Variants in NLGN4Y observed in about 807,000 individuals in gnomAD.
The protein encoded by NLGN4Y is neuroligin 4 Y-linked, also known as neuroligin-4, Y-linked.
Under a neutral mutation model 8.4 loss-of-function variants are expected in NLGN4Y, and 4 were observed. The observed-to-expected ratio is 0.48, with a 90% CI of 0.23 to 1.09. The LOEUF (loss-of-function observed/expected upper bound fraction) is 1.09, where lower values mean the gene tolerates loss of function less well. NLGN4Y is among the 50% of genes least tolerant of loss of function. NLGN4Y has a pLI of 0.19. For missense variants in NLGN4Y, 90 were observed against 192.3 expected (o/e 0.47, Z 3.15); for synonymous variants, 35 against 75.6 (o/e 0.46, Z 2.78).
At position 14,619,205 on chromosome Y, in the gene NLGN4Y, C is replaced by T. The variant is rs761096958; in HGVS notation, c.-111-2804C>T. On this transcript the variant is annotated intron_variant, in intron 1 of 6. Transcript: ENST00000684976. ...GAATTTAAGGCATGGGCTGGAATTCCTCATGGAACTGACATTATAAACCTG... is the reference window on the plus strand; with the variant it reads ...GAATTTAAGGCATGGGCTGGAATTCTTCATGGAACTGACATTATAAACCTG... Among the ~76,000 whole-genome samples the T allele has an allele frequency of 6.3e-4, 21 of 33,560 alleles. No individual in the cohort carries two copies. The South Asian group carries it at 0.014, about 23-fold the overall frequency. 90.0% of individuals were successfully genotyped at this position (33,560 alleles called of 37,273 possible).
chrY:14,585,095 G>A (rs949925855), intron 1 of NLGN4Y, among the ~76,000 whole-genome samples: 1 of 33,772 alleles, frequency 3.0e-5, no homozygotes, highest in Non-Finnish European at 7.3e-5. Context: ...ATATTTTGGG[G>A]TATTTGTCCT....
intron 6 of NLGN4Y, among the ~76,000 whole-genome samples, chrY:14,833,777 C>T: frequency 8.9e-5 from 3 of 33,636 alleles, no homozygotes; most frequent in African/African-American, 1.2e-4. Context: ...GAGATGAACC[C>T]GGTACCTCAG....
intron 4 of NLGN4Y, among the ~76,000 whole-genome samples, chrY:14,810,614 A>G: frequency 6.0e-5 from 2 of 33,114 alleles, no homozygotes; most frequent in African/African-American, 2.3e-4. Context: ...TGAAACTCAT[A>G]TATCAATTAT....
At chrY:14,765,245 T>C (rs756829012) in intron 4 of NLGN4Y, among the ~76,000 whole-genome samples, 20 of 33,986 alleles carry the variant, frequency 5.9e-4, no homozygotes, top group African/African-American at 2.3e-3. Context: ...GAACCAAGTA[T>C]GTTTTGAGAC....
intron 2 of NLGN4Y, among the ~76,000 whole-genome samples, chrY:14,663,063 C>A: frequency 3.0e-5 from 1 of 33,453 alleles, no homozygotes; most frequent in Non-Finnish European, 7.4e-5. Flanking sequence ...TTTTGATTCT[C>A]TATATTTATG....
chrY:14,645,163 A>ATT (rs1238077609), intron 2 of NLGN4Y, among the ~76,000 whole-genome samples: 9 of 13,336 alleles, frequency 6.7e-4, no homozygotes, highest in African/African-American at 3.5e-3. Context: ...TTGGACCTGA[A>ATT]TTTTTTTTTT....
In NLGN4Y at chrY:14,652,997, A is replaced by G. The variant is rs754168331; in HGVS notation, c.472+30406A>G. ...CATATATGCAAACTAATGACAGAAT[A>G]CTAAACATATATATGTTTATATGTG... On this transcript the variant is annotated intron_variant, in intron 2 of 6. Transcript: ENST00000684976. Among the ~76,000 whole-genome samples the G allele has an allele frequency of 1.2e-4, 4 of 32,856 alleles. No individual in the cohort carries two copies. The East Asian group carries it at 2.4e-3, about 20-fold the overall frequency. 88.1% of individuals were successfully genotyped at this position (32,856 alleles called of 37,273 possible). A position where few individuals can be genotyped will look rare whatever the true frequency, so the allele number is the denominator to read the frequency against.
intron 1 of NLGN4Y, among the ~76,000 whole-genome samples, chrY:14,573,506 G>A (rs2080283162): frequency 1.2e-4 from 4 of 32,653 alleles, no homozygotes; most frequent in Non-Finnish European, 3.0e-4. Context: ...TATTAGTCTT[G>A]CTAACGGTCT....
At chrY:14,809,453 C>A in intron 4 of NLGN4Y, among the ~76,000 whole-genome samples, 1 of 32,399 alleles carries the variant, frequency 3.1e-5, no homozygotes, top group African/African-American at 1.2e-4. Flanking sequence ...TCAGCCTGGT[C>A]GAGGCTCTGT....
intron 2 of NLGN4Y, among the ~76,000 whole-genome samples, chrY:14,698,731 T>C: frequency 3.0e-5 from 1 of 33,226 alleles, no homozygotes; most frequent in Non-Finnish European, 7.5e-5. Flanking sequence ...TTGGCTGTTC[T>C]GGGTTGGCAA....
intron 4 of NLGN4Y, among the ~76,000 whole-genome samples, chrY:14,768,390 T>C: frequency 3.0e-5 from 1 of 33,310 alleles, no homozygotes; most frequent in African/African-American, 1.2e-4. Flanking sequence ...ATGTGTTTGC[T>C]GTAGGCAAAT....
intron 1 of NLGN4Y, among the ~76,000 whole-genome samples, chrY:14,578,640 C>T (rs747262450): frequency 1.1e-3 from 36 of 32,525 alleles, no homozygotes; most frequent in African/African-American, 3.9e-3. Flanking sequence ...TTTATACAAC[C>T]AGATCTCCTG....
chrY:14,668,913 T>C, intron 2 of NLGN4Y, among the ~76,000 whole-genome samples: 1 of 31,841 alleles, frequency 3.1e-5, no homozygotes, highest in Non-Finnish European at 7.6e-5. Flanking sequence ...CAAGAGGAAA[T>C]CCACCCCTAT....
chrY:14,525,096 AGCGGGAGCGGGG>A, intron 1 of NLGN4Y, among the ~76,000 whole-genome samples: 1 of 33,264 alleles, frequency 3.0e-5, no homozygotes, highest in Non-Finnish European at 7.5e-5. Flanking sequence ...GAGGAGCGGG[AGCGGGAGCGGGG>A]GCGTCAGGGC....
intron 2 of NLGN4Y, among the ~76,000 whole-genome samples, chrY:14,680,158 CT>C (rs2080763404): frequency 1.5e-4 from 5 of 32,902 alleles, no homozygotes; most frequent in Admixed American, 1.4e-3. Flanking sequence ...ACTTTTTCTC[CT>C]CTTGGGCATA....
chrY:14,569,674 G>T (rs2080262911), intron 1 of NLGN4Y, among the ~76,000 whole-genome samples: 1 of 33,553 alleles, frequency 3.0e-5, no homozygotes, highest in Non-Finnish European at 7.4e-5. Context: ...TTTGTTCTAA[G>T]TCCTTTGAGA....
intron 1 of NLGN4Y, among the ~76,000 whole-genome samples, chrY:14,554,767 C>T: frequency 3.0e-5 from 1 of 33,528 alleles, no homozygotes; most frequent in Non-Finnish European, 7.4e-5. Context: ...GCAGATTAGG[C>T]AGATTCATCC....
chrY:14,685,488 A>G (rs2080786397), intron 2 of NLGN4Y, among the ~76,000 whole-genome samples: 2 of 32,522 alleles, frequency 6.1e-5, no homozygotes, highest in Admixed American at 2.8e-4. Context: ...CCTGTCTGCT[A>G]TTTCTGACGT....
chrY:14,730,164 C>T, intron 4 of NLGN4Y, among the ~76,000 whole-genome samples: 1 of 32,955 alleles, frequency 3.0e-5, no homozygotes, highest in South Asian at 6.8e-4. Flanking sequence ...AATCCCAGCA[C>T]TTTGGAAGCC....
Sources: gnomAD v4.1 joint callset for allele counts (sites outside exome capture counted in the v4.1 genomes callset) on GRCh38, gnomAD v4.1.1 for gene constraint, MANE v1.5 for transcripts, NCBI Gene and HGNC (gene_info 2026-07-23, HGNC 2026-07-21) for gene names.